LAMA3: variants seen among roughly 807,000 people sequenced by gnomAD.
The protein encoded by LAMA3 is laminin subunit alpha-3.
In LAMA3, 281 loss-of-function variants were observed where a neutral mutation model predicts 402.0. That is an observed-to-expected ratio of 0.70 (90% CI 0.63 to 0.77). LAMA3 has a LOEUF of 0.77. LAMA3 is among the 30% of genes least tolerant of loss of function. LAMA3 has a pLI of 0.00. For synonymous variants in LAMA3, 1,431 were observed against 1,558.4 expected (o/e 0.92, Z 1.93); for missense variants, 3,840 against 4,215.5 (o/e 0.91, Z 2.47).
intron 5 of LAMA3, among the ~76,000 whole-genome samples, chr18:23,752,826 C>CAATA (rs1441732579): frequency 1.3e-5 from 2 of 152,192 alleles, no homozygotes; most frequent in African/African-American, 4.8e-5. Flanking sequence ...ACAACAACAA[C>CAATA]AATAAAGGGA....
intron 36 of LAMA3, among the ~76,000 whole-genome samples, chr18:23,866,572 A>C (rs1479228807): frequency 6.6e-6 from 1 of 152,376 alleles, no homozygotes; most frequent in South Asian, 2.1e-4. Context: ...AAACACAGTC[A>C]CAGCAGTGCT....
intron 12 of LAMA3, among the ~76,000 whole-genome samples, chr18:23,809,063 A>G (rs2063018311): frequency 6.6e-6 from 1 of 152,210 alleles, no homozygotes. Context: ...GGAAAGTGTA[A>G]AGAGCACCTC....
intron 24 of LAMA3, 31 bp from the exon 25 acceptor site, chr18:23,836,950 C>G: frequency 6.5e-7 from 1 of 1,534,710 alleles, no homozygotes; most frequent in Non-Finnish European, 9.0e-7. Context: ...TGCCGGGAGT[C>G]AGGCTAAGAA....
chr18:23,810,954 C>T (rs2063057779), intron 13 of LAMA3, among the ~76,000 whole-genome samples: 1 of 152,130 alleles, frequency 6.6e-6, no homozygotes, highest in East Asian at 1.9e-4. Context: ...TTAGCAGGAC[C>T]TTTGCTGTGT....
At chr18:23,889,980 G>T (rs560929982) in intron 41 of LAMA3, 31 bp from the exon 42 acceptor site, 1 of 1,493,834 alleles carries the variant, frequency 6.7e-7, no homozygotes. Flanking sequence ...AGTTATTTGG[G>T]TGTTTCTCCT....
At position 23,857,953 on chromosome 18, in the gene LAMA3, G is replaced by T. The variant is rs77331026; in HGVS notation, c.4246G>T (p.Val1416Leu). The T allele has an allele frequency of 1.2e-6, 2 of 1,614,190 alleles. No individual in the cohort carries two copies. Among genetic ancestry groups the T allele is most frequent in the Admixed American group, 1.7e-5 (1 of 60,026 alleles). ...CAACAGAGATGGGACTGAGCCAGGAGTGTGTGACCCAGGGACCGGGGCTTG... is the reference window on the plus strand; with the variant it reads ...CAACAGAGATGGGACTGAGCCAGGATTGTGTGACCCAGGGACCGGGGCTTG... ...NCNRDGTEPG[V>L]CDPGTGACLC... Residue 1416 changes from valine to leucine, a missense_variant, in exon 33 of 75, where the codon GTG (valine) becomes TTG (leucine). This residue lies in a region of LAMA3 where 2,109 missense variants were observed against 2,376.0 expected (regional missense o/e 0.89). Transcript: ENST00000313654.
At chr18:23,859,620 G>C (rs148823500) in intron 34 of LAMA3, among the ~76,000 whole-genome samples, 1 of 152,208 alleles carries the variant, frequency 6.6e-6, no homozygotes, top group Non-Finnish European at 1.5e-5. Flanking sequence ...AGGTGAATAG[G>C]TGCATAGGGT....
At chr18:23,949,355 T>C (rs1401565037) in intron 70 of LAMA3, among the ~76,000 whole-genome samples, 1 of 152,226 alleles carries the variant, frequency 6.6e-6, no homozygotes, top group African/African-American at 2.4e-5. Context: ...GTGGTTTGTA[T>C]CTGCAAAGAG....
rs10665618 is a variant in LAMA3 at position 23,690,872 on chromosome 18, A to ATTATTTATTTAT, written c.294+934_294+945dup. ...GCTCACTGCAACCTCAGGCCTGGCA[A>ATTATTTATTTAT]TTATTTATTTATTTATTTATTTATT... On this transcript the variant is annotated intron_variant, in intron 1 of 74. Transcript: ENST00000313654. Among the ~76,000 whole-genome samples the ATTATTTATTTAT allele has an allele frequency of 8.3e-3, 1,135 of 136,986 alleles. 7 individuals are homozygous for ATTATTTATTTAT. The highest frequency in any genetic ancestry group is 0.012 in the Non-Finnish European group (757 of 64,400). 89.9% of individuals were successfully genotyped at this position (136,986 alleles called of 152,430 possible).
chr18:23,911,996 AT>A (rs10717363), intron 55 of LAMA3, among the ~76,000 whole-genome samples: 5,416 of 145,280 alleles, frequency 0.037, 331 homozygotes, highest in African/African-American at 0.13. Flanking sequence ...TAAAATGTAT[AT>A]TTATATATAA....
chr18:23,827,672 G>A (rs982727315), intron 23 of LAMA3, among the ~76,000 whole-genome samples: 1 of 152,138 alleles, frequency 6.6e-6, no homozygotes. Flanking sequence ...TGTTCTTTGA[G>A]CACTTTCTAG....
intron 12 of LAMA3, among the ~76,000 whole-genome samples, chr18:23,792,968 A>G (rs1416107968): frequency 2.0e-5 from 3 of 152,192 alleles, no homozygotes; most frequent in African/African-American, 4.8e-5. Context: ...GACAACTGCT[A>G]TTGAGAAGAT....
intron 54 of LAMA3, among the ~76,000 whole-genome samples, chr18:23,908,588 G>T (rs1459330980): frequency 2.1e-5 from 3 of 145,706 alleles, no homozygotes; most frequent in East Asian, 2.0e-4. Context: ...GAAAACAAAG[G>T]TTTTTTTTTT....
At chr18:23,758,032 A>T (rs2061886677) in intron 6 of LAMA3, among the ~76,000 whole-genome samples, 1 of 152,184 alleles carries the variant, frequency 6.6e-6, no homozygotes, top group African/African-American at 2.4e-5. Flanking sequence ...AACACATCTC[A>T]GTAAAGTCAG....
intron 12 of LAMA3, among the ~76,000 whole-genome samples, chr18:23,798,539 GGAGAAGCTCCCAGCC>G (rs2062810616): frequency 6.6e-6 from 1 of 152,188 alleles, no homozygotes; most frequent in African/African-American, 2.4e-5. Context: ...GATGCTCCTG[GGAGAAGCTCCCAGCC>G]TTTCCAGGGC....
chr18:23,797,140 C>T (rs116330156), intron 12 of LAMA3, among the ~76,000 whole-genome samples: 5 of 152,258 alleles, frequency 3.3e-5, no homozygotes, highest in East Asian at 1.9e-4. Context: ...TTCACTGCCT[C>T]GTGTGCTGTT....
intron 1 of LAMA3, among the ~76,000 whole-genome samples, chr18:23,712,237 G>A (rs952755115): frequency 2.0e-5 from 3 of 151,904 alleles, no homozygotes; most frequent in Admixed American, 6.6e-5. Context: ...AAAATTAGCC[G>A]GGCGTGGTGG....
chr18:23,932,364 T>C (rs762518187), intron 66 of LAMA3, 73 bp downstream of exon 66: 180 of 1,535,644 alleles, frequency 1.2e-4, no homozygotes, highest in Non-Finnish European at 1.5e-4. Flanking sequence ...TTTGGTCCAG[T>C]TAACAAAGTC....
intron 40 of LAMA3, among the ~76,000 whole-genome samples, chr18:23,884,114 A>C (rs1187612321): frequency 6.7e-6 from 1 of 149,556 alleles, no homozygotes; most frequent in African/African-American, 2.5e-5. Context: ...AGCTGCTTCT[A>C]AAATATCATC....
Sources: allele counts gnomAD v4.1 joint callset (sites outside exome capture counted in the v4.1 genomes callset), GRCh38; gene constraint gnomAD v4.1.1; regional missense constraint gnomAD v4.1.1; transcripts MANE v1.5; gene names NCBI Gene and HGNC (gene_info 2026-07-23, HGNC 2026-07-21).